LRP1B: variants seen among roughly 807,000 people sequenced by gnomAD.
LRP1B encodes the protein low-density lipoprotein receptor-related protein 1B.
A neutral mutation model predicts 556.6 loss-of-function variants in LRP1B; 217 were observed. The ratio of observed to expected loss-of-function variants is 0.39; its 90% confidence interval spans 0.35 to 0.44. The LOEUF (loss-of-function observed/expected upper bound fraction) is 0.44, where lower values mean the gene tolerates loss of function less well. Ranked by LOEUF, LRP1B falls within the 20% of genes least tolerant of loss-of-function variation. LRP1B has a pLI of 1.00. For synonymous variants in LRP1B, 2,047 were observed against 1,865.8 expected, an observed-to-expected ratio of 1.10 and a Z score of -2.50; for missense variants, 5,053 against 5,620.8, an observed-to-expected ratio of 0.90 and a Z score of 3.23.
intron 1 of LRP1B, among the ~76,000 whole-genome samples, chr2:141,902,642 C>T (rs908198170): frequency 1.1e-4 from 17 of 151,940 alleles, no homozygotes; most frequent in African/African-American, 2.7e-4. Context: ...ATTCAAGCTG[C>T]GCTTGAAGGA....
At chr2:140,444,829 A>G in intron 63 of LRP1B, 150 bp from the exon 64 acceptor site, 1 of 599,146 alleles carries the variant, frequency 1.7e-6, no homozygotes, top group Admixed American at 3.2e-5. Flanking sequence ...ATTAGATTCA[A>G]ATGTTTAGCT....
intron 34 of LRP1B, 58 bp from the exon 35 acceptor site, chr2:140,769,402 T>C: frequency 6.9e-7 from 1 of 1,441,538 alleles, no homozygotes; most frequent in East Asian, 2.4e-5. Context: ...ATATTTAAAA[T>C]ACAAATAATT....
intron 5 of LRP1B, among the ~76,000 whole-genome samples, chr2:141,237,262 A>C (rs1236582805): frequency 6.6e-6 from 1 of 152,072 alleles, no homozygotes; most frequent in African/African-American, 2.4e-5. Flanking sequence ...AAGTAGAATC[A>C]GTTTTTAGAG....
intron 63 of LRP1B, among the ~76,000 whole-genome samples, chr2:140,446,864 G>A (rs1686680220): frequency 6.6e-6 from 1 of 151,684 alleles, no homozygotes. Flanking sequence ...TACAAAAAAA[G>A]AAACAACAGA....
At chr2:141,576,745 C>T (rs1412614141) in intron 2 of LRP1B, among the ~76,000 whole-genome samples, 5 of 128,716 alleles carry the variant, frequency 3.9e-5, no homozygotes, top group Admixed American at 7.9e-5. Flanking sequence ...CAGAGTGAGC[C>T]CCTGTCTCAA....
intron 84 of LRP1B, among the ~76,000 whole-genome samples, chr2:140,288,730 GT>G (rs969953139): frequency 2.0e-5 from 3 of 149,634 alleles, no homozygotes; most frequent in African/African-American, 2.5e-5. Flanking sequence ...GCCATGCATT[GT>G]TTTTTTTTCA....
Position 140,262,920 on chromosome 2 carries a change from AAT to A in LRP1B, c.13247+7320_13247+7321del, listed in dbSNP as rs1358542778. ...ATGGAAATGTGCGAAAACCGATAAAAATATGTTTGTTTATTTGTTTGTTTTCT... is the reference window on the plus strand; with the variant it reads ...ATGGAAATGTGCGAAAACCGATAAAAATGTTTGTTTATTTGTTTGTTTTCT... On this transcript the variant is annotated intron_variant, in intron 86 of 90. Coordinates refer to ENST00000389484, the MANE Select transcript of LRP1B (RefSeq NM_018557.3). Among the ~76,000 whole-genome samples the A allele has an allele frequency of 3.3e-5, 5 of 152,206 alleles. No homozygotes were observed. The East Asian group carries it at 9.7e-4, about 30-fold the overall frequency.
In LRP1B at chr2:140,840,194, GATTA is replaced by G. The variant is rs1372374878; in HGVS notation, c.5115-113_5115-110del. 5.5e-5 allele frequency: 34 copies of G among 622,458 alleles called. No individual in the cohort carries two copies. In the African/African-American group the frequency reaches 5.8e-4, roughly 11 times the overall value. The allele number at this position is 622,458 out of a possible 1,614,324, so 38.6% of individuals were successfully genotyped here. A position where few individuals can be genotyped will look rare whatever the true frequency, so the allele number is the denominator to read the frequency against. On this transcript the variant is annotated intron_variant, in intron 30 of 90. Transcript: ENST00000389484. The stretch of plus-strand genomic sequence containing the variant: ...ACATCAAAATATATTCTTGACTCAG[GATTA>G]ATTCTTTTCAGAAAACTCCAAAATT...
At chr2:140,928,554 T>G (rs1694954471) in intron 20 of LRP1B, among the ~76,000 whole-genome samples, 1 of 152,136 alleles carries the variant, frequency 6.6e-6, no homozygotes, top group African/African-American at 2.4e-5. Context: ...ACATCATTTC[T>G]GATCACAATT....
At chr2:141,933,628 T>C (rs2053171) in intron 1 of LRP1B, among the ~76,000 whole-genome samples, 131,107 of 152,126 alleles carry the variant, frequency 0.86, 56,651 homozygotes, top group East Asian at 1. Context: ...ATCACTAGCC[T>C]GCTCTGGCTA....
intron 1 of LRP1B, among the ~76,000 whole-genome samples, chr2:141,824,484 C>T (rs373734119): frequency 2.0e-4 from 30 of 152,166 alleles, no homozygotes; most frequent in Middle Eastern, 3.4e-3. Context: ...CTCAGCCTCC[C>T]GAGTAGAGTA....
At chr2:141,365,184 T>C (rs1688970842) in intron 3 of LRP1B, among the ~76,000 whole-genome samples, 2 of 152,188 alleles carry the variant, frequency 1.3e-5, no homozygotes, top group African/African-American at 4.8e-5. Flanking sequence ...AACTCTTCCA[T>C]TCACTGAAAG....
intron 57 of LRP1B, 53 bp downstream of exon 57, chr2:140,492,555 A>G: frequency 2.5e-6 from 3 of 1,221,452 alleles, no homozygotes; most frequent in Non-Finnish European, 3.6e-6. Context: ...CAGCTCTAAC[A>G]CATACCTAGT....
At position 141,019,634 on chromosome 2, in the gene LRP1B, T is replaced by A. The variant is rs575318355; in HGVS notation, c.1970+288A>T. On this transcript the variant is annotated intron_variant, in intron 12 of 90. Coordinates refer to ENST00000389484, the MANE Select transcript of LRP1B (RefSeq NM_018557.3). Reference sequence around the variant, plus strand: ...ATTCTCTGGTTGAATTGATTATTTATCTTGGTGTCAGGCTGCTTAAAGTAC... The same window carrying A: ...ATTCTCTGGTTGAATTGATTATTTAACTTGGTGTCAGGCTGCTTAAAGTAC... 1.3e-4 allele frequency among the ~76,000 whole-genome samples: 20 copies of A among 152,194 alleles called. 1 individual carries two copies. The Middle Eastern group carries it at 0.017, about 129-fold the overall frequency.
intron 82 of LRP1B, among the ~76,000 whole-genome samples, chr2:140,319,767 T>C (rs895415666): frequency 6.6e-6 from 1 of 152,154 alleles, no homozygotes; most frequent in Non-Finnish European, 1.5e-5. Context: ...TATTTGGAAA[T>C]GTTCACTTGA....
At chr2:141,244,167 A>G (rs1389713319) in intron 5 of LRP1B, among the ~76,000 whole-genome samples, 15 of 152,186 alleles carry the variant, frequency 9.9e-5, no homozygotes. Context: ...GCCGTCACAT[A>G]AAGGGCTATT....
intron 24 of LRP1B, among the ~76,000 whole-genome samples, chr2:140,884,882 CT>C (rs1573841630): frequency 6.6e-6 from 1 of 151,992 alleles, no homozygotes; most frequent in East Asian, 1.9e-4. Context: ...CCAGCTAATT[CT>C]TTGTATTTTT....
At chr2:141,119,716 T>TTGTGTG (rs138710668) in intron 7 of LRP1B, among the ~76,000 whole-genome samples, 1,856 of 149,418 alleles carry the variant, frequency 0.012, 19 homozygotes, top group Middle Eastern at 0.024. Context: ...ACCCAAGAGG[T>TTGTGTG]TGTGTGTGTG....
chr2:141,576,213 T>C (rs1686736874), intron 2 of LRP1B, among the ~76,000 whole-genome samples: 1 of 152,108 alleles, frequency 6.6e-6, no homozygotes, highest in Admixed American at 6.5e-5. Flanking sequence ...ATAAATAAAA[T>C]GTGGTACATA....
Sources: gnomAD v4.1 joint callset for allele counts (sites outside exome capture counted in the v4.1 genomes callset) on GRCh38, gnomAD v4.1.1 for gene constraint, MANE v1.5 for transcripts, NCBI Gene and HGNC (gene_info 2026-07-23, HGNC 2026-07-21) for gene names.